STK10: variants seen among roughly 807,000 people sequenced by gnomAD.
STK10 encodes serine/threonine kinase 10, also known as serine/threonine-protein kinase 10.
In STK10, 78 loss-of-function variants were observed where a neutral mutation model predicts 113.8. The ratio of observed to expected loss-of-function variants is 0.69; its 90% CI spans 0.57 to 0.83. The LOEUF is 0.83. Ranked by LOEUF, STK10 falls within the 40% of genes least tolerant of loss-of-function variation. The pLI, the probability that STK10 is intolerant of heterozygous loss-of-function variation, is 0.00. For synonymous variants in STK10, 465 were observed against 494.7 expected (o/e 0.94, Z 0.80); for missense variants, 1,109 against 1,280.1 (o/e 0.87, Z 2.04).
At chr5:172,116,781 T>A (rs886708882) in intron 4 of STK10, among the ~76,000 whole-genome samples, 2 of 151,704 alleles carry the variant, frequency 1.3e-5, no homozygotes, top group Non-Finnish European at 2.9e-5. Flanking sequence ...GGCAGGAGAA[T>A]CACTTGAACT....
chr5:172,096,342 C>G (rs1768853194), intron 8 of STK10, 84 bp downstream of exon 8: 4 of 1,574,648 alleles, frequency 2.5e-6, no homozygotes, highest in Admixed American at 1.7e-5. Context: ...GAGTCCTGGC[C>G]TTCCCTGCCC....
At chr5:172,161,254 C>G (rs1297621510) in intron 1 of STK10, among the ~76,000 whole-genome samples, 2 of 152,068 alleles carry the variant, frequency 1.3e-5, no homozygotes, top group Non-Finnish European at 2.9e-5. Flanking sequence ...GAGTTTGAGA[C>G]CAGCCTGGCC....
rs1767404193 is a variant in STK10 at position 172,042,677 on chromosome 5, C to T, written c.*2205G>A. The T allele has an allele frequency of 6.6e-6, 1 of 152,222 alleles. No individual in the cohort carries two copies. The highest frequency in any genetic ancestry group is 2.1e-4 in the South Asian group (1 of 4,824). The allele number at this position is 152,222 out of a possible 1,614,324, so 9.4% of individuals were successfully genotyped here. On this transcript the variant is annotated 3_prime_UTR_variant, in exon 19 of 19. Coordinates refer to ENST00000176763, the MANE Select transcript of STK10 (RefSeq NM_005990.4). ...CTGCCGCTAGTTCATGTTTCCCCAGCACCAATGCACCAAAGAGAATAAAAG... is the reference window on the plus strand; with the variant it reads ...CTGCCGCTAGTTCATGTTTCCCCAGTACCAATGCACCAAAGAGAATAAAAG...
Position 172,052,974 on chromosome 5 carries a change from G to T in STK10, c.2721C>A (p.Asn907Lys), listed in dbSNP as rs1291257932. The change falls in exon 18 of 19, where the codon AAC (asparagine) becomes AAA (lysine). Residue 907 changes from asparagine (N) to lysine (K), a missense_variant. This residue lies in a region of STK10 where 885 missense variants were observed against 991.1 expected (regional missense o/e 0.89). Transcript: ENST00000176763. ...QKLKALDESHNQNLKEWRDKL... is the reference protein window; with the variant it reads ...QKLKALDESHKQNLKEWRDKL... ...TGTCCCGCCATTCCTTCAGGTTCTG[G>T]TTATGGCTCTCATCCAGGGCCTTCA... 2 of 1,614,190 alleles carry T rather than the reference G, an allele frequency of 1.2e-6. No homozygotes were observed. Among genetic ancestry groups the T allele is most frequent in the South Asian group, 2.2e-5 (2 of 91,082 alleles).
At chr5:172,167,667 T>G (rs144094644) in intron 1 of STK10, among the ~76,000 whole-genome samples, 1,779 of 152,314 alleles carry the variant, frequency 0.012, 49 homozygotes, top group African/African-American at 0.041. Flanking sequence ...TCTGATACAG[T>G]AGCTACTAGC....
intron 4 of STK10, among the ~76,000 whole-genome samples, chr5:172,113,867 C>T (rs1337774224): frequency 6.6e-6 from 1 of 151,346 alleles, no homozygotes; most frequent in Non-Finnish European, 1.5e-5. Flanking sequence ...GAGCTAAGAT[C>T]GTGCCATTGC....
At chr5:172,159,776 T>C (rs917165062) in intron 1 of STK10, among the ~76,000 whole-genome samples, 3 of 151,786 alleles carry the variant, frequency 2.0e-5, no homozygotes, top group African/African-American at 7.3e-5. Flanking sequence ...TGAGCCAAGA[T>C]GGCACCACTG....
intron 18 of STK10, among the ~76,000 whole-genome samples, chr5:172,046,864 GTTT>G (rs543469988): frequency 9.9e-4 from 151 of 152,278 alleles, no homozygotes; most frequent in Admixed American, 2.7e-3. Flanking sequence ...ATTGGCAGTG[GTTT>G]GCTAACACCT....
intron 7 of STK10, among the ~76,000 whole-genome samples, chr5:172,100,731 G>C (rs913232290): frequency 6.6e-5 from 10 of 152,088 alleles, no homozygotes; most frequent in African/African-American, 1.9e-4. Flanking sequence ...AGATTGCAGT[G>C]AACCGAGATC....
intron 2 of STK10, among the ~76,000 whole-genome samples, chr5:172,131,968 T>C (rs1219435716): frequency 6.6e-6 from 1 of 152,206 alleles, no homozygotes; most frequent in Non-Finnish European, 1.5e-5. Flanking sequence ...GGCTCTCTCC[T>C]GCATGCCCTC....
chr5:172,066,303 G>A (rs1264265002), intron 12 of STK10, among the ~76,000 whole-genome samples: 2 of 150,278 alleles, frequency 1.3e-5, no homozygotes, highest in African/African-American at 2.5e-5. Context: ...AGACAAGACT[G>A]GTACAGGGGA....
chr5:172,151,815 A>C (rs1371620336), intron 2 of STK10, among the ~76,000 whole-genome samples: 1 of 152,346 alleles, frequency 6.6e-6, no homozygotes, highest in East Asian at 1.9e-4. Flanking sequence ...GTAGCTGCTC[A>C]GCAGCATGTG....
At chr5:172,117,669 C>G (rs200601046) in intron 3 of STK10, 39 bp from the exon 4 acceptor site, 1 of 1,609,752 alleles carries the variant, frequency 6.2e-7, no homozygotes, top group East Asian at 2.2e-5. Flanking sequence ...TCAGTAAGCC[C>G]TGGACACAGG....
chr5:172,177,292 T>TG (rs1435626475), intron 1 of STK10, among the ~76,000 whole-genome samples: 2 of 152,250 alleles, frequency 1.3e-5, no homozygotes, highest in African/African-American at 4.8e-5. Context: ...ACACCAACTC[T>TG]GTGGGAGCCT....
rs780652692 is a variant in STK10, at chr5:172,093,980, T to C, written c.1006-20A>G. ...CAGGGTCTAGAAAAATATATATATA[T>C]ATATTAAAGGCCATGCTGCTGTATG... On this transcript the variant is annotated intron_variant, in intron 8 of 18. Transcript: ENST00000176763. The surrounding 1 kb of genome is among the most constrained non-coding windows in gnomAD (Gnocchi z 4.1). The C allele has an allele frequency of 1.2e-5, 16 of 1,380,776 alleles. No homozygotes were observed. In the East Asian group the frequency reaches 4.0e-4, roughly 34 times the overall value. The allele number at this position is 1,380,776 out of a possible 1,614,324, so 85.5% of individuals were successfully genotyped here.
chr5:172,106,649 G>C lies in STK10; in HGVS notation c.759C>G (p.Asp253Glu), dbSNP rs150004028. 250 of 1,612,996 alleles carry C rather than the reference G, an allele frequency of 1.5e-4. No homozygotes were observed. Among genetic ancestry groups the C allele is most frequent in the Non-Finnish European group, 1.9e-4 (228 of 1,180,000 alleles). ...TAGAGGGCGTGAGCAGCGTGGGAGG[G>C]TCCGACTTGGCGATCTTTAGCAGGA... ...MRVLLKIAKS[D>E]PPTLLTPSKW... The change falls in exon 6 of 19, where the codon GAC becomes GAG. Residue 253 changes from aspartate (D) to glutamate (E), a missense_variant. Physicochemically the swap from Asp to Glu is conservative, Grantham distance 45 (BLOSUM62 2). Coordinates refer to ENST00000176763, the MANE Select transcript of STK10 (RefSeq NM_005990.4).
At chr5:172,147,411 A>G (rs1232693246) in intron 2 of STK10, among the ~76,000 whole-genome samples, 1 of 149,280 alleles carries the variant, frequency 6.7e-6, no homozygotes, top group Non-Finnish European at 1.5e-5. Flanking sequence ...TTTTTTTTTG[A>G]GACAGAGTCT....
chr5:172,078,003 G>T (rs56353062), intron 12 of STK10, among the ~76,000 whole-genome samples: 1 of 151,852 alleles, frequency 6.6e-6, no homozygotes, highest in Non-Finnish European at 1.5e-5. Flanking sequence ...GGGGGGTCTC[G>T]TCCCTTCTAA....
intron 1 of STK10, 23 bp from the exon 2 acceptor site, chr5:172,156,811 G>A: frequency 6.2e-7 from 1 of 1,602,038 alleles, no homozygotes; most frequent in South Asian, 1.1e-5. Context: ...GATACAGGAG[G>A]TCAACAAGGC....
Sources: gnomAD v4.1 joint callset for allele counts (sites outside exome capture counted in the v4.1 genomes callset) on GRCh38, gnomAD v4.1.1 for gene constraint, gnomAD v4.1.1 regional missense constraint, Gnocchi (gnomAD v3.1) non-coding constraint, MANE v1.5 for transcripts, NCBI Gene and HGNC (gene_info 2026-07-23, HGNC 2026-07-21) for gene names.